The following C20orf203 variants were observed in gnomAD, a reference collection of about 807,000 sequenced individuals.
C20orf203 encodes the protein uncharacterized protein C20orf203.
A neutral mutation model predicts 15.9 loss-of-function variants in C20orf203; 16 were observed. That is an observed-to-expected ratio of 1.01 (90% confidence interval 0.68 to 1.53). C20orf203 has a LOEUF of 1.53. C20orf203 is among the 40% of genes most tolerant of loss of function. C20orf203 has a pLI of 0.00. For missense variants in C20orf203, 263 were observed against 247.5 expected (o/e 1.06, Z -0.42); for synonymous variants, 98 against 97.2 (o/e 1.01, Z -0.05).
At chr20:32,648,369 C>T (rs1257981602) in intron 4 of C20orf203, among the ~76,000 whole-genome samples, 1 of 151,160 alleles carries the variant, frequency 6.6e-6, no homozygotes, top group Non-Finnish European at 1.5e-5. Flanking sequence ...AATCCCTATT[C>T]TCTCTGTCTC....
chr20:32,664,986 A>C (rs1484748501), intron 1 of C20orf203, among the ~76,000 whole-genome samples: 1 of 152,154 alleles, frequency 6.6e-6, no homozygotes, highest in South Asian at 2.1e-4. Context: ...GCAAAGCCCA[A>C]ATCCATTCTG....
At chr20:32,668,894 T>A (rs566764316) in intron 1 of C20orf203, among the ~76,000 whole-genome samples, 1 of 152,276 alleles carries the variant, frequency 6.6e-6, no homozygotes, top group South Asian at 2.1e-4. Context: ...TTGCTGGTTG[T>A]CCCTTCATCC....
intron 1 of C20orf203, among the ~76,000 whole-genome samples, chr20:32,664,776 G>A (rs1027014756): frequency 1.3e-5 from 2 of 152,268 alleles, no homozygotes; most frequent in African/African-American, 2.4e-5. Flanking sequence ...AGGGAGGAGA[G>A]CCAGTCACAG....
Position 32,633,236 on chromosome 20 carries a change from T to C in C20orf203, c.*2334A>G, listed in dbSNP as rs1293617995. 1 of 152,178 alleles carries C rather than the reference T, an allele frequency of 6.6e-6. No individual in the cohort carries two copies. Among genetic ancestry groups the C allele is most frequent in the Admixed American group, 6.5e-5 (1 of 15,274 alleles). 9.4% of individuals were successfully genotyped at this position (152,178 alleles called of 1,614,324 possible). On this transcript the variant is annotated 3_prime_UTR_variant, in exon 6 of 6. Transcript: ENST00000608990. ...TCAGTTTTGGACAAACCAGGATGGT[T>C]GGTCACCCTAAAGGTAAACTGAGGC...
intron 4 of C20orf203, among the ~76,000 whole-genome samples, chr20:32,646,190 T>C (rs1242071490): frequency 6.6e-6 from 1 of 151,108 alleles, no homozygotes; most frequent in Non-Finnish European, 1.5e-5. Flanking sequence ...TTTTTTTTTT[T>C]TTTTTTTGAG....
At position 32,633,791 on chromosome 20, in the gene C20orf203, C is replaced by G. The variant is rs574718645; in HGVS notation, c.*1779G>C. 2 of 371,816 alleles carry G rather than the reference C, an allele frequency of 5.4e-6. No homozygotes were observed. Among genetic ancestry groups the G allele is most frequent in the Non-Finnish European group, 9.5e-6 (2 of 209,788 alleles). The allele number at this position is 371,816 out of a possible 1,614,324, so 23.0% of individuals were successfully genotyped here. On this transcript the variant is annotated 3_prime_UTR_variant, in exon 6 of 6. Transcript: ENST00000608990. The stretch of plus-strand genomic sequence containing the variant: ...GCCAGTCGCCCTGACAGCCCCCTCA[C>G]CGCGTTGCACTACCTGGTCCCCTGG...
chr20:32,643,872 A>G (rs1982353827), intron 4 of C20orf203, among the ~76,000 whole-genome samples: 1 of 152,222 alleles, frequency 6.6e-6, no homozygotes, highest in Non-Finnish European at 1.5e-5. Flanking sequence ...AAAAATCATC[A>G]TCATCACCTA....
chr20:32,659,413 C>T (rs775381935), intron 1 of C20orf203, among the ~76,000 whole-genome samples: 13 of 152,256 alleles, frequency 8.5e-5, no homozygotes, highest in South Asian at 2.1e-4. Context: ...ACACTCTCTA[C>T]GCATCAGGCA....
At chr20:32,649,140 T>C (rs1331164502) in intron 4 of C20orf203, 115 bp downstream of exon 4, 2 of 152,186 alleles carry the variant, frequency 1.3e-5, no homozygotes, top group Non-Finnish European at 2.9e-5. Flanking sequence ...CAGACAGTGT[T>C]CCTAAGTGCT....
At chr20:32,651,364 A>C (rs1982624051) in intron 2 of C20orf203, among the ~76,000 whole-genome samples, 198 bp from the exon 3 acceptor site, 1 of 151,926 alleles carries the variant, frequency 6.6e-6, no homozygotes, top group Admixed American at 6.6e-5. Context: ...AAAAAGGAAA[A>C]GAAACGAGAA....
intron 4 of C20orf203, among the ~76,000 whole-genome samples, chr20:32,640,956 C>T (rs1460257134): frequency 2.6e-5 from 4 of 152,142 alleles, no homozygotes; most frequent in Admixed American, 1.3e-4. Context: ...CGTATTGTAG[C>T]ATGGATCAGT....
chr20:32,653,093 G>T (rs907719186), intron 1 of C20orf203, among the ~76,000 whole-genome samples: 7 of 152,174 alleles, frequency 4.6e-5, no homozygotes, highest in African/African-American at 1.7e-4. Context: ...TGATGGTCTG[G>T]GGCGCCCTCT....
Position 32,651,009 on chromosome 20 carries a change from A to C in C20orf203, c.135+9T>G, listed in dbSNP as rs770623459. Reference sequence around the variant, plus strand: ...CCCAGGTGTGGGAGACAGGGACAGCACTTCTTACCCGGCTCAGCATTCCAG... The same window carrying C: ...CCCAGGTGTGGGAGACAGGGACAGCCCTTCTTACCCGGCTCAGCATTCCAG... On this transcript the variant is annotated intron_variant, in intron 3 of 5. Transcript: ENST00000608990. 1 of 1,478,614 alleles carries C rather than the reference A, an allele frequency of 6.8e-7. No homozygotes were observed. Among genetic ancestry groups the C allele is most frequent in the Non-Finnish European group, 9.0e-7 (1 of 1,110,314 alleles). The allele number at this position is 1,478,614 out of a possible 1,614,324, so 91.6% of individuals were successfully genotyped here.
At chr20:32,659,390 C>T (rs377573130) in intron 1 of C20orf203, among the ~76,000 whole-genome samples, 23 of 152,218 alleles carry the variant, frequency 1.5e-4, no homozygotes, top group African/African-American at 5.3e-4. Context: ...AAAACATTAT[C>T]GCAGCTCAAT....
chr20:32,657,606 T>A (rs896438829), intron 1 of C20orf203: 9 of 151,632 alleles, frequency 5.9e-5, no homozygotes, highest in Non-Finnish European at 8.8e-5. Context: ...TCACATTTAC[T>A]AACATCGATG....
intron 4 of C20orf203, among the ~76,000 whole-genome samples, chr20:32,645,521 C>T (rs1982400428): frequency 6.6e-6 from 1 of 152,238 alleles, no homozygotes; most frequent in African/African-American, 2.4e-5. Flanking sequence ...AGCAAACAGA[C>T]TGGCTGAGTG....
rs987871549 is a variant in C20orf203 at position 32,650,555 on chromosome 20, C to A, written c.462G>T (p.Ser154=). Residue 154 remains serine, a synonymous_variant, in exon 4 of 6, where the codon TCG becomes TCT. Coordinates refer to ENST00000608990, the MANE Select transcript of C20orf203 (RefSeq NM_182584.4). Reference sequence around the variant, plus strand: ...GGAAACATGTTGAGGTCCAGGCCAGCGAGGACAGAGCTTGGCCAAAGTCCC... The same window carrying A: ...GGAAACATGTTGAGGTCCAGGCCAGAGAGGACAGAGCTTGGCCAAAGTCCC... The part of the protein sequence containing the change: ...TVGDFGQALS[S]LAWTSTCFQD... 1.9e-6 allele frequency: 3 copies of A among 1,548,892 alleles called. No individual in the cohort carries two copies. In the African/African-American group the frequency reaches 4.1e-5, roughly 21 times the overall value.
At chr20:32,651,594 T>C (rs1451301063) in intron 2 of C20orf203, 139 bp downstream of exon 2, 1 of 152,762 alleles carries the variant, frequency 6.5e-6, no homozygotes, top group Non-Finnish European at 1.5e-5. Context: ...CCTCAAAGGG[T>C]CTCTGAGAAG....
At chr20:32,652,372 G>C (rs905539954) in intron 1 of C20orf203, among the ~76,000 whole-genome samples, 7 of 151,600 alleles carry the variant, frequency 4.6e-5, no homozygotes, top group Non-Finnish European at 1.0e-4. Context: ...GCATCAGAGG[G>C]GGCCCAGCAG....
Sources: gnomAD v4.1 joint callset for allele counts (sites outside exome capture counted in the v4.1 genomes callset) on GRCh38, gnomAD v4.1.1 for gene constraint, MANE v1.5 for transcripts, NCBI Gene and HGNC (gene_info 2026-07-23, HGNC 2026-07-21) for gene names.